The following HS6ST3 variants were observed in gnomAD, a reference collection of about 807,000 sequenced individuals.
The protein encoded by HS6ST3 is heparan-sulfate 6-O-sulfotransferase 3.
HS6ST3 carries 12 observed loss-of-function variants against 36.7 expected under a neutral mutation model. The ratio of observed to expected loss-of-function variants is 0.33; its 90% confidence interval spans 0.21 to 0.53. HS6ST3 has a LOEUF of 0.53. Ranked by LOEUF, HS6ST3 falls within the 20% of genes least tolerant of loss-of-function variation. The probability of loss-of-function intolerance (pLI) is 0.95; values close to 1 mark genes in which losing one functional copy is unlikely to be tolerated. For missense variants in HS6ST3, 584 were observed against 640.9 expected, an observed-to-expected ratio of 0.91 and a Z score of 0.96; for synonymous variants, 240 against 257.5, an observed-to-expected ratio of 0.93 and a Z score of 0.65.
At position 96,562,338 on chromosome 13, in the gene HS6ST3, A is replaced by G. The variant is rs1349322590; in HGVS notation, c.708-270152A>G. ...GAGCTAAACAATGGGTAGTCATGCC[A>G]TAAAGATGGCAACAATAGACACTAG... On this transcript the variant is annotated intron_variant, in intron 1 of 1. Transcript: ENST00000376705. Among the ~76,000 whole-genome samples the G allele has an allele frequency of 2.6e-5, 4 of 152,230 alleles. No homozygotes were observed. In the South Asian group the frequency reaches 8.3e-4, roughly 32 times the overall value.
intron 1 of HS6ST3, among the ~76,000 whole-genome samples, chr13:96,366,370 C>T (rs763484598): frequency 5.3e-5 from 8 of 152,008 alleles, no homozygotes; most frequent in Non-Finnish European, 7.4e-5. Context: ...CTACTTGGGA[C>T]GCTGAGGCAG....
At chr13:96,831,926 G>A (rs1033070041) in intron 1 of HS6ST3, among the ~76,000 whole-genome samples, 5 of 119,776 alleles carry the variant, frequency 4.2e-5, no homozygotes, top group African/African-American at 1.7e-4. Context: ...CTGCACTCCA[G>A]CCTGGGTGAC....
intron 1 of HS6ST3, among the ~76,000 whole-genome samples, chr13:96,747,233 T>A (rs1876583665): frequency 6.6e-6 from 1 of 152,160 alleles, no homozygotes; most frequent in African/African-American, 2.4e-5. Flanking sequence ...ACACTTCAGT[T>A]GCTCATCAAA....
At chr13:96,194,228 T>C (rs1480549471) in intron 1 of HS6ST3, among the ~76,000 whole-genome samples, 1 of 152,160 alleles carries the variant, frequency 6.6e-6, no homozygotes, top group Non-Finnish European at 1.5e-5. Flanking sequence ...AAAATCTGCT[T>C]GTAGGAAATG....
In HS6ST3 at chr13:96,835,603, TG is replaced by T. The variant is rs1878905698; in HGVS notation, c.*2406del. The T allele has an allele frequency of 2.6e-5, 2 of 76,838 alleles. No homozygotes were observed. Among genetic ancestry groups the T allele is most frequent in the Non-Finnish European group, 5.3e-5 (2 of 37,984 alleles). The allele number at this position is 76,838 out of a possible 1,614,324, so 4.8% of individuals were successfully genotyped here. On this transcript the variant is annotated 3_prime_UTR_variant, in exon 2 of 2. Transcript: ENST00000376705. Reference sequence around the variant, plus strand: ...CAAATTATCCTTCTGCCTGCCCCTGTGACACACACACACACACACACACACA... The same window carrying T: ...CAAATTATCCTTCTGCCTGCCCCTGTACACACACACACACACACACACACA...
At chr13:96,748,911 C>T (rs941303889) in intron 1 of HS6ST3, among the ~76,000 whole-genome samples, 4 of 152,256 alleles carry the variant, frequency 2.6e-5, no homozygotes, top group African/African-American at 9.6e-5. Context: ...CACTTGATAA[C>T]ATCCTACAAA....
At chr13:96,378,810 T>C (rs1292001101) in intron 1 of HS6ST3, among the ~76,000 whole-genome samples, 1 of 152,180 alleles carries the variant, frequency 6.6e-6, no homozygotes, top group African/African-American at 2.4e-5. Flanking sequence ...GCGGTGACTT[T>C]TCTAATTTTT....
At chr13:96,722,488 C>T (rs771337064) in intron 1 of HS6ST3, among the ~76,000 whole-genome samples, 3 of 152,068 alleles carry the variant, frequency 2.0e-5, no homozygotes, top group Non-Finnish European at 4.4e-5. Flanking sequence ...AACTTTCCCC[C>T]GGGGTCGTGA....
chr13:96,812,142 C>A (rs1878328361), intron 1 of HS6ST3, among the ~76,000 whole-genome samples: 1 of 152,168 alleles, frequency 6.6e-6, no homozygotes, highest in African/African-American at 2.4e-5. Context: ...TCCATTGCCT[C>A]AATCTGCCAC....
chr13:96,832,494 T>G lies in HS6ST3; in HGVS notation c.712T>G (p.Phe238Val), dbSNP rs760818583. 1.3e-6 allele frequency: 2 copies of G among 1,547,010 alleles called. No individual in the cohort carries two copies. Among genetic ancestry groups the G allele is most frequent in the African/African-American group, 2.8e-5 (2 of 72,490 alleles). ...CPRNHSHTRN[F>V]YYITMLRDPV... Reference sequence around the variant, plus strand: ...TCTTCCTCTAATTTCTTCTAGGAATTTCTATTACATCACAATGTTACGGGA... The same window carrying G: ...TCTTCCTCTAATTTCTTCTAGGAATGTCTATTACATCACAATGTTACGGGA... The change falls in exon 2 of 2, where the codon TTC becomes GTC. Residue 238 changes from phenylalanine to valine, a missense_variant. Phe to Val is a conservative substitution (Grantham distance 50). Coordinates refer to ENST00000376705, the MANE Select transcript of HS6ST3 (RefSeq NM_153456.4).
At chr13:96,799,984 A>ATATATATATATT (rs1184198358) in intron 1 of HS6ST3, among the ~76,000 whole-genome samples, 1 of 92,474 alleles carries the variant, frequency 1.1e-5, no homozygotes, top group Non-Finnish European at 2.0e-5. Context: ...ATATATATGT[A>ATATATATATATT]TATATATATA....
intron 1 of HS6ST3, among the ~76,000 whole-genome samples, chr13:96,729,371 A>G (rs538275776): frequency 1.6e-4 from 25 of 152,300 alleles, no homozygotes; most frequent in African/African-American, 6.0e-4. Context: ...GGGCCATCCT[A>G]TACCCTGAAC....
chr13:96,705,919 A>G (rs542419403), intron 1 of HS6ST3, among the ~76,000 whole-genome samples: 3 of 152,318 alleles, frequency 2.0e-5, no homozygotes, highest in South Asian at 4.1e-4. Flanking sequence ...AAGGGAAGGT[A>G]ACAGGGACAA....
chr13:96,361,579 A>C (rs545643945), intron 1 of HS6ST3, among the ~76,000 whole-genome samples: 2 of 152,262 alleles, frequency 1.3e-5, no homozygotes, highest in East Asian at 3.9e-4. Flanking sequence ...CCATCCCTGG[A>C]AGTGCTAAAA....
At chr13:96,526,155 T>C in intron 1 of HS6ST3, among the ~76,000 whole-genome samples, 1 of 152,052 alleles carries the variant, frequency 6.6e-6, no homozygotes, top group East Asian at 1.9e-4. Flanking sequence ...GCTTGTTCAG[T>C]ATGTTAAAGG....
chr13:96,358,921 G>GTCTATCT lies in HS6ST3; in HGVS notation c.707+267352_707+267353insTCTATCT, dbSNP rs1566336838. The stretch of plus-strand genomic sequence containing the variant: ...CTATCTATCTATCTATCTATCTAGA[G>GTCTATCT]AGAGATGACACAGAGAGCAAATGTG... On this transcript the variant is annotated intron_variant, in intron 1 of 1. Coordinates refer to ENST00000376705, the MANE Select transcript of HS6ST3 (RefSeq NM_153456.4). Among the ~76,000 whole-genome samples, 89 of 147,018 alleles carry GTCTATCT rather than the reference G, an allele frequency of 6.1e-4. 1 individual carries two copies. Among genetic ancestry groups the GTCTATCT allele is most frequent in the African/African-American group, 1.9e-3 (77 of 39,720 alleles).
chr13:96,438,554 G>A (rs2055654222), intron 1 of HS6ST3, among the ~76,000 whole-genome samples: 2 of 152,068 alleles, frequency 1.3e-5, no homozygotes, highest in Non-Finnish European at 2.9e-5. Context: ...TAGCTACTTG[G>A]GGCATTTCAT....
At chr13:96,419,197 C>T (rs998130131) in intron 1 of HS6ST3, among the ~76,000 whole-genome samples, 1 of 152,204 alleles carries the variant, frequency 6.6e-6, no homozygotes, top group South Asian at 2.1e-4. Context: ...GAATGCTTTT[C>T]AGTTAAAATG....
chr13:96,360,676 T>G (rs1594762422), intron 1 of HS6ST3, among the ~76,000 whole-genome samples: 1 of 148,170 alleles, frequency 6.7e-6, no homozygotes, highest in Non-Finnish European at 1.5e-5. Flanking sequence ...TCCGGTGCAG[T>G]GGCTCAACGC....
Sources: gnomAD v4.1 joint callset for allele counts (sites outside exome capture counted in the v4.1 genomes callset) on GRCh38, gnomAD v4.1.1 for gene constraint, MANE v1.5 for transcripts, NCBI Gene and HGNC (gene_info 2026-07-23, HGNC 2026-07-21) for gene names.